The following BCORL1 variants were observed in gnomAD, a reference collection of about 807,000 sequenced individuals.
BCORL1 encodes the protein BCL6 corepressor like 1.
A neutral mutation model predicts 87.6 loss-of-function variants in BCORL1; 7 were observed. The ratio of observed to expected loss-of-function variants is 0.08; its 90% CI spans 0.05 to 0.15. The LOEUF (loss-of-function observed/expected upper bound fraction) is 0.15. Among genes scored for constraint, BCORL1 ranks in the 10% least tolerant of loss-of-function variants. The pLI is 1.00. For synonymous variants in BCORL1, 591 were observed against 634.4 expected (o/e 0.93, Z 1.03); for missense variants, 1,215 against 1,499.7 (o/e 0.81, Z 3.13).
At position 129,998,852 on chromosome X, in the gene BCORL1, T is replaced by C. The variant is rs774555653; in HGVS notation, c.-44-6336T>C. Among the ~76,000 whole-genome samples the C allele has an allele frequency of 8.1e-5, 9 of 111,207 alleles. No individual in the cohort carries two copies. In the Admixed American group the frequency reaches 8.7e-4, roughly 11 times the overall value. On this transcript the variant is annotated intron_variant, in intron 1 of 13. Coordinates refer to ENST00000540052, the MANE Select transcript of BCORL1 (RefSeq NM_001379451.1). ...TCTCATCTGCAGAGGCTACTGTTAA[T>C]TAGCAACAGTGGGCTTCAGATAGGA...
intron 7 of BCORL1, among the ~76,000 whole-genome samples, chrX:130,027,039 C>T (rs962153306): frequency 8.8e-6 from 1 of 113,323 alleles, no homozygotes; most frequent in Admixed American, 9.3e-5. Context: ...GCCACTTCCA[C>T]TCACACACCT....
intron 13 of BCORL1, among the ~76,000 whole-genome samples, chrX:130,053,902 C>T (rs1483796007): frequency 1.8e-5 from 2 of 112,069 alleles, no homozygotes; most frequent in Non-Finnish European, 1.9e-5. Context: ...TCTGTAGTCC[C>T]CTTTTCTTAA....
chrX:129,990,776 T>A (rs1311193662), intron 1 of BCORL1, among the ~76,000 whole-genome samples: 2 of 111,654 alleles, frequency 1.8e-5, no homozygotes, highest in Admixed American at 1.9e-4. Context: ...CTTTAACAGC[T>A]ATGCTGTAAC....
intron 1 of BCORL1, among the ~76,000 whole-genome samples, chrX:129,984,363 C>CG (rs1450820995): frequency 2.5e-5 from 2 of 78,658 alleles, no homozygotes; most frequent in Non-Finnish European, 5.1e-5. Flanking sequence ...GAGCCCCCGA[C>CG]GGGGGGCGGT....
chrX:130,013,807 G>A lies in BCORL1; in HGVS notation c.1035G>A (p.Thr345=), dbSNP rs908034471. Residue 345 remains threonine, a synonymous_variant, in exon 4 of 14, where the codon ACG becomes ACA. Transcript: ENST00000540052. Reference sequence around the variant, plus strand: ...TTCTGGCTCCCATGCCAGCATCCACGCCTCCAGCGGCCCCTGCCCCTCCGT... The same window carrying A: ...TTCTGGCTCCCATGCCAGCATCCACACCTCCAGCGGCCCCTGCCCCTCCGT... ...TPVLAPMPAS[T]PPAAPAPPSV... is the part of the protein sequence containing the mutation. The A allele has an allele frequency of 1.7e-5, 20 of 1,168,088 alleles. No homozygotes were observed. The highest frequency in any genetic ancestry group is 2.6e-5 in the Admixed American group (1 of 38,793).
chrX:130,033,569 C>G (rs1930755997), intron 8 of BCORL1, among the ~76,000 whole-genome samples: 1 of 112,422 alleles, frequency 8.9e-6, no homozygotes, highest in South Asian at 3.7e-4. Flanking sequence ...TCTACCACCC[C>G]AGGGGAGTCT....
intron 5 of BCORL1, 29 bp downstream of exon 5, chrX:130,021,179 C>T (rs1459546126): frequency 1.7e-6 from 2 of 1,182,877 alleles, no homozygotes; most frequent in African/African-American, 3.6e-5. Flanking sequence ...GCCCTCTGGG[C>T]TGGGCTGCAG....
chrX:130,006,485 C>T (rs1211728816), intron 2 of BCORL1, among the ~76,000 whole-genome samples: 1 of 108,668 alleles, frequency 9.2e-6, no homozygotes, highest in Non-Finnish European at 1.9e-5. Context: ...CTCAGCCTCC[C>T]GAGTAGCTGG....
chrX:130,016,078 G>C lies in BCORL1; in HGVS notation c.3306G>C (p.Lys1102Asn). 8.3e-7 allele frequency: 1 copy of C among 1,211,711 alleles called. No homozygotes were observed. The highest frequency in any genetic ancestry group is 1.1e-6 in the Non-Finnish European group (1 of 895,580). The change falls in exon 4 of 14, where the codon AAG becomes AAC. Residue 1102 changes from lysine to asparagine, a missense_variant. Physicochemically the swap from Lys to Asn is moderately conservative, Grantham distance 94. Around this residue, in one of 5 missense-constraint regions of BCORL1, gnomAD observed 861 missense variants for 1,010.0 expected, o/e 0.85. Transcript: ENST00000540052. ...KQESVGVFAC[K>N]NKWQPDDVTE... The stretch of plus-strand genomic sequence containing the variant: ...AAAGCGTAGGGGTCTTTGCTTGCAA[G>C]AACAAGTGGCAGCCAGATGATGTGA...
chrX:129,989,261 A>G (rs1926862976), intron 1 of BCORL1, among the ~76,000 whole-genome samples: 3 of 104,790 alleles, frequency 2.9e-5, no homozygotes, highest in Non-Finnish European at 3.9e-5. Flanking sequence ...TCAGCCTCGC[A>G]AGTAGCTGGG....
chrX:129,987,798 G>C (rs1295356292), intron 1 of BCORL1, among the ~76,000 whole-genome samples: 1 of 111,846 alleles, frequency 8.9e-6, no homozygotes, highest in African/African-American at 3.3e-5. Context: ...GCTAAGCTTG[G>C]GATGAAATAG....
At chrX:130,017,757 T>C (rs5977188) in intron 4 of BCORL1, among the ~76,000 whole-genome samples, 12,440 of 109,439 alleles carry the variant, frequency 0.11, 1,807 homozygotes, top group African/African-American at 0.39. Flanking sequence ...TCTCCCACTT[T>C]AGCCTCCCAA....
chrX:129,980,521 C>T (rs753960573), upstream of BCORL1, among the ~76,000 whole-genome samples: 77 of 112,050 alleles, frequency 6.9e-4, no homozygotes, highest in South Asian at 2.2e-3. Flanking sequence ...TGGAACGAGC[C>T]CGCGTGGCGA....
chrX:130,039,034 C>A lies in BCORL1; in HGVS notation c.4695-103C>A, dbSNP rs959624968. 8.4e-6 allele frequency: 8 copies of A among 957,872 alleles called. No individual in the cohort carries two copies. The East Asian group carries it at 2.5e-4, about 30-fold the overall frequency. The allele number at this position is 957,872 out of a possible 1,213,427, so 78.9% of individuals were successfully genotyped here. The stretch of plus-strand genomic sequence containing the variant: ...TTAAACCATATTACACCAAGGTTAC[C>A]TGGGGGTCAGCTCAGTTTTTTCCCC... On this transcript the variant is annotated intron_variant, in intron 10 of 13. Coordinates refer to ENST00000540052, the MANE Select transcript of BCORL1 (RefSeq NM_001379451.1).
chrX:130,050,212 G>A (rs766827660), intron 11 of BCORL1, among the ~76,000 whole-genome samples: 5 of 109,958 alleles, frequency 4.5e-5, no homozygotes, highest in Non-Finnish European at 9.5e-5. Flanking sequence ...TGGGAGGATC[G>A]CTTGAGCTCA....
intron 6 of BCORL1, among the ~76,000 whole-genome samples, chrX:130,024,373 G>T (rs1930072828): frequency 9.0e-6 from 1 of 111,210 alleles, no homozygotes. Flanking sequence ...GTGCCTGGGT[G>T]CATTTGGGCG....
At chrX:129,999,679 CT>C (rs58107259) in intron 1 of BCORL1, among the ~76,000 whole-genome samples, 10,527 of 102,274 alleles carry the variant, frequency 0.1, 1,354 homozygotes, top group African/African-American at 0.35. Context: ...TCCTCTAATT[CT>C]TTTTCCCCCC....
At chrX:130,025,419 T>G in intron 7 of BCORL1, 40 bp downstream of exon 7, 1 of 1,114,237 alleles carries the variant, frequency 9.0e-7, no homozygotes, top group Non-Finnish European at 1.2e-6. Context: ...CGCGGCCCGT[T>G]TGGCTTCTGG....
chrX:130,025,211 A>G lies in BCORL1; in HGVS notation c.3910A>G (p.Arg1304Gly). Residue 1304 changes from arginine to glycine, a missense_variant, in exon 7 of 14, where the codon AGG (arginine) becomes GGG (glycine). Arg to Gly is a moderately radical substitution (Grantham distance 125, BLOSUM62 -2). This residue lies in a region of BCORL1 where 166 missense variants were observed against 196.5 expected (regional missense o/e 0.84). Transcript: ENST00000540052. ...HLWRAREMPW[R>G]TEAARQMWDT... ...GTGGCGAGCCCGAGAAATGCCCTGG[A>G]GGACAGAGGCTGCCCGGCAAATGTG... is the stretch of plus-strand genomic sequence containing the variant. 8.3e-7 allele frequency: 1 copy of G among 1,211,217 alleles called. No individual in the cohort carries two copies. Among genetic ancestry groups the G allele is most frequent in the South Asian group, 1.8e-5 (1 of 56,899 alleles).
Sources: allele counts gnomAD v4.1 joint callset (sites outside exome capture counted in the v4.1 genomes callset), GRCh38; gene constraint gnomAD v4.1.1; regional missense constraint gnomAD v4.1.1; transcripts MANE v1.5; gene names NCBI Gene and HGNC (gene_info 2026-07-23, HGNC 2026-07-21).